Variants in MFHAS1 observed in about 807,000 individuals in gnomAD.
MFHAS1 encodes multifunctional ROCO family signaling regulator 1, also known as malignant fibrous histiocytoma-amplified sequence 1.
In MFHAS1, 50 loss-of-function variants were observed where a neutral mutation model predicts 70.4. That is an observed-to-expected ratio of 0.71 (90% CI 0.57 to 0.90). MFHAS1 has a LOEUF of 0.90. Ranked by LOEUF, MFHAS1 falls within the 40% of genes least tolerant of loss-of-function variation. The pLI is 0.00. For missense variants in MFHAS1, 1,795 were observed against 1,347.6 expected, an observed-to-expected ratio of 1.33 and a Z score of -5.20; for synonymous variants, 952 against 620.0, an observed-to-expected ratio of 1.54 and a Z score of -7.96.
chr8:8,864,023 T>G lies in MFHAS1; in HGVS notation c.2998+26038A>C, dbSNP rs1808764492. 2.0e-5 allele frequency among the ~76,000 whole-genome samples: 3 copies of G among 151,412 alleles called. No homozygotes were observed. In the South Asian group the frequency reaches 6.2e-4, roughly 31 times the overall value. ...CTCTTCCTTATACCTTCCTAATTCC[T>G]GTTTACCGGCATGTAGTTACATTGC... On this transcript the variant is annotated intron_variant, in intron 1 of 2. Coordinates refer to ENST00000276282, the MANE Select transcript of MFHAS1 (RefSeq NM_004225.3).
At chr8:8,846,286 GGGAGGAGGATAAGAA>G (rs1392346275) in intron 1 of MFHAS1, among the ~76,000 whole-genome samples, 1,455 of 122,708 alleles carry the variant, frequency 0.012, 50 homozygotes, top group African/African-American at 0.041. Flanking sequence ...GAGGAGGAGG[GGGAGGAGGATAAGAA>G]GGAGGAGGGG....
intron 1 of MFHAS1, among the ~76,000 whole-genome samples, chr8:8,845,233 C>A (rs993620515): frequency 3.9e-5 from 6 of 152,162 alleles, no homozygotes; most frequent in African/African-American, 1.4e-4. Flanking sequence ...TGGTAGTTTT[C>A]TAGGTTAGTT....
intron 1 of MFHAS1, among the ~76,000 whole-genome samples, chr8:8,880,690 T>A (rs1474447944): frequency 6.9e-6 from 1 of 145,126 alleles, no homozygotes; most frequent in Non-Finnish European, 1.5e-5. Context: ...TTTTGTTTTT[T>A]TTTTTTTTCC....
intron 1 of MFHAS1, among the ~76,000 whole-genome samples, chr8:8,842,112 G>A (rs1315211506): frequency 1.3e-5 from 2 of 152,164 alleles, no homozygotes; most frequent in East Asian, 1.9e-4. Flanking sequence ...AGGTTTTCAA[G>A]GGAAGTCCTG....
chr8:8,857,946 T>A (rs950653919), intron 1 of MFHAS1, among the ~76,000 whole-genome samples: 1 of 152,150 alleles, frequency 6.6e-6, no homozygotes, highest in African/African-American at 2.4e-5. Flanking sequence ...ACCACCAATT[T>A]TGGGGAAACC....
intron 1 of MFHAS1, among the ~76,000 whole-genome samples, chr8:8,824,521 TCACACACACACACACACACACACA>T (rs57194505): frequency 3.4e-5 from 5 of 146,024 alleles, no homozygotes; most frequent in East Asian, 4.0e-4. Context: ...TCTCTCTCTT[TCACACACACACACACACACACACA>T]CACACACACA....
At chr8:8,790,758 T>A (rs1270018855) in intron 2 of MFHAS1, among the ~76,000 whole-genome samples, 1 of 152,226 alleles carries the variant, frequency 6.6e-6, no homozygotes, top group Non-Finnish European at 1.5e-5. Context: ...TTCATGCTAA[T>A]TTGTGTGCTG....
intron 1 of MFHAS1, among the ~76,000 whole-genome samples, chr8:8,819,353 C>T (rs560579347): frequency 1.2e-4 from 18 of 152,206 alleles, no homozygotes; most frequent in Non-Finnish European, 2.4e-4. Flanking sequence ...CGCCTGTAAT[C>T]CCAGCACTTT....
Position 8,892,118 on chromosome 8 carries a change from A to C in MFHAS1, c.941T>G (p.Leu314Arg). 1 of 1,612,848 alleles carries C rather than the reference A, an allele frequency of 6.2e-7. No individual in the cohort carries two copies. The highest frequency in any genetic ancestry group is 8.5e-7 in the Non-Finnish European group (1 of 1,180,026). Residue 314 changes from leucine to arginine, a missense_variant, in exon 1 of 3, where the codon CTT becomes CGT. By Grantham distance (102) the Leu-to-Arg change is moderately radical. Coordinates refer to ENST00000276282, the MANE Select transcript of MFHAS1 (RefSeq NM_004225.3). The surrounding 1 kb of genome is among the most constrained non-coding windows in gnomAD (Gnocchi z 4.7). ...SRNQLTSVPS[L>R]ISGLGRLLTL... ...GAGAAGCCGGCCCAGGCCCGAGATA[A>C]GGGATGGCACCGAGGTGAGCTGGTT...
At position 8,891,492 on chromosome 8, in the gene MFHAS1, C is replaced by A. The variant is rs1012974305; in HGVS notation, c.1567G>T (p.Val523Phe). The A allele has an allele frequency of 2.4e-5, 38 of 1,613,084 alleles. No homozygotes were observed. Among genetic ancestry groups the A allele is most frequent in the Non-Finnish European group, 3.1e-5 (37 of 1,180,026 alleles). The change falls in exon 1 of 3, where the codon GTC becomes TTC. Residue 523 changes from valine (V) to phenylalanine (F), a missense_variant. Physicochemically the swap from Val to Phe is conservative, Grantham distance 50. Transcript: ENST00000276282. The surrounding 1 kb of genome is among the most constrained non-coding windows in gnomAD (Gnocchi z 5.4). The part of the protein sequence containing the change: ...PTTVGSFLHR[V>F]GARVPHAVVC... ...ACCGCGTGGGGCACTCTCGCCCCGACCCGATGCAAGAAGGAGCCCACGGTG... is the reference window on the plus strand; with the variant it reads ...ACCGCGTGGGGCACTCTCGCCCCGAACCGATGCAAGAAGGAGCCCACGGTG...
chr8:8,884,083 A>C (rs112756283), intron 1 of MFHAS1, among the ~76,000 whole-genome samples: 1,595 of 109,778 alleles, frequency 0.015, 30 homozygotes, highest in African/African-American at 0.048. Flanking sequence ...CACACACACA[A>C]AAAGAAAAAA....
At chr8:8,826,421 T>G (rs538425876) in intron 1 of MFHAS1, among the ~76,000 whole-genome samples, 18 of 152,236 alleles carry the variant, frequency 1.2e-4, no homozygotes, top group African/African-American at 4.3e-4. Context: ...CATGGGATAG[T>G]TCTAGCCAAT....
chr8:8,854,263 T>C (rs112340173), intron 1 of MFHAS1, among the ~76,000 whole-genome samples: 4 of 152,216 alleles, frequency 2.6e-5, no homozygotes, highest in African/African-American at 9.6e-5. Flanking sequence ...CCAGGTGCAG[T>C]GGCTCACGCC....
At position 8,892,842 on chromosome 8, in the gene MFHAS1, T is replaced by G. The variant is rs1810134757; in HGVS notation, c.217A>C (p.Asn73His). 3 of 1,597,218 alleles carry G rather than the reference T, an allele frequency of 1.9e-6. No individual in the cohort carries two copies. Among genetic ancestry groups the G allele is most frequent in the Non-Finnish European group, 2.6e-6 (3 of 1,172,510 alleles). ...CCCTCGGGTACCTCCTCCAGGCCGT[T>G]GTTCCCCAGGTTCAGTGCCTCAATG... ...GDIEALNLGNNGLEEVPEGLG... is the reference protein window; with the variant it reads ...GDIEALNLGNHGLEEVPEGLG... Residue 73 changes from asparagine to histidine, a missense_variant, in exon 1 of 3, where the codon AAC becomes CAC. By Grantham distance (68) the Asn-to-His change is moderately conservative (BLOSUM62 1). Transcript: ENST00000276282. The surrounding 1 kb of genome is among the most constrained non-coding windows in gnomAD (Gnocchi z 4.7).
chr8:8,852,338 G>T (rs913942173), intron 1 of MFHAS1, among the ~76,000 whole-genome samples: 5 of 152,086 alleles, frequency 3.3e-5, no homozygotes, highest in Non-Finnish European at 7.4e-5. Flanking sequence ...GCTGGGTGTG[G>T]TGGCATGCAC....
At position 8,891,327 on chromosome 8, in the gene MFHAS1, C is replaced by G. The variant is rs775924626; in HGVS notation, c.1732G>C (p.Glu578Gln). 1.2e-6 allele frequency: 2 copies of G among 1,611,208 alleles called. No homozygotes were observed. Among genetic ancestry groups the G allele is most frequent in the South Asian group, 1.1e-5 (1 of 91,080 alleles). The change falls in exon 1 of 3, where the codon GAG becomes CAG. Residue 578 changes from glutamate (E) to glutamine (Q), a missense_variant. Transcript: ENST00000276282. The surrounding 1 kb of genome is among the most constrained non-coding windows in gnomAD (Gnocchi z 5.4). The stretch of plus-strand genomic sequence containing the variant: ...AGCTCGAAGTCCCGGGCCAGTGCCT[C>G]GTCCACCACCTTGGCCAAGCGGCTC... ...GLSRLAKVVD[E>Q]ALARDFELRS...
intron 1 of MFHAS1, among the ~76,000 whole-genome samples, chr8:8,862,406 G>C (rs1190657629): frequency 6.8e-6 from 1 of 147,288 alleles, no homozygotes; most frequent in Non-Finnish European, 1.5e-5. Flanking sequence ...TTTTTAATCA[G>C]ATATATATTT....
Position 8,890,965 on chromosome 8 carries a change from G to C in MFHAS1, c.2094C>G (p.Asp698Glu). 1 of 1,613,864 alleles carries C rather than the reference G, an allele frequency of 6.2e-7. No individual in the cohort carries two copies. The highest frequency in any genetic ancestry group is 8.5e-7 in the Non-Finnish European group (1 of 1,179,978). The change falls in exon 1 of 3, where the codon GAC becomes GAG. Residue 698 changes from aspartate to glutamate, a missense_variant. Coordinates refer to ENST00000276282, the MANE Select transcript of MFHAS1 (RefSeq NM_004225.3). ...RLGLQAGLTE[D>E]RLQSALSYLH... Reference sequence around the variant, plus strand: ...GGTAGGAGAGGGCACTCTGCAGTCGGTCCTCGGTCAGACCCGCCTGCAGGC... The same window carrying C: ...GGTAGGAGAGGGCACTCTGCAGTCGCTCCTCGGTCAGACCCGCCTGCAGGC...
In MFHAS1 at chr8:8,891,598, G is replaced by C. The variant is rs746694808; in HGVS notation, c.1461C>G (p.Ile487Met). The C allele has an allele frequency of 2.5e-6, 4 of 1,613,352 alleles. No individual in the cohort carries two copies. Among genetic ancestry groups the C allele is most frequent in the African/African-American group, 1.3e-5 (1 of 74,936 alleles). ...DLAGDESYEV[I>M]QPFFLSPGAL... is the part of the protein sequence containing the mutation. ...CCCCTGGGGACAGGAAGAAGGGCTG[G>C]ATCACCTCATAACTTTCATCCCCAG... Residue 487 changes from isoleucine to methionine, a missense_variant, in exon 1 of 3, where the codon ATC becomes ATG. Transcript: ENST00000276282. This position sits in a 1 kb window ranked among gnomAD's most constrained non-coding sequence, Gnocchi z 5.4.
Sources: gnomAD v4.1 joint callset for allele counts (sites outside exome capture counted in the v4.1 genomes callset) on GRCh38, gnomAD v4.1.1 for gene constraint, Gnocchi (gnomAD v3.1) non-coding constraint, MANE v1.5 for transcripts, NCBI Gene and HGNC (gene_info 2026-07-23, HGNC 2026-07-21) for gene names.